The following ANO1 variants were observed in gnomAD, a reference collection of about 807,000 sequenced individuals.
ANO1 encodes the protein anoctamin 1.
ANO1 carries 59 observed loss-of-function variants against 124.0 expected under a neutral mutation model. The ratio of observed to expected loss-of-function variants is 0.48; its 90% CI spans 0.39 to 0.59. The LOEUF (loss-of-function observed/expected upper bound fraction) is 0.59, where lower values mean the gene tolerates loss of function less well. Among genes scored for constraint, ANO1 ranks in the 20% least tolerant of loss-of-function variants. ANO1 has a pLI of 0.00. For missense variants in ANO1, 1,059 were observed against 1,328.0 expected (o/e 0.80, Z 3.15); for synonymous variants, 529 against 532.0 (o/e 0.99, Z 0.08).
intron 1 of ANO1, among the ~76,000 whole-genome samples, chr11:69,988,855 A>G (rs1470319089): frequency 1.4e-4 from 22 of 152,168 alleles, no homozygotes; most frequent in Non-Finnish European, 2.9e-5. Context: ...CTTGGAAATC[A>G]ACCCACATGC....
chr11:70,173,887 C>T (rs1452372661), intron 22 of ANO1, among the ~76,000 whole-genome samples: 3 of 151,882 alleles, frequency 2.0e-5, no homozygotes, highest in African/African-American at 7.3e-5. Context: ...TGCGTCTCTA[C>T]TAAAAATACA....
chr11:70,178,020 C>G (rs1177349029), intron 22 of ANO1, among the ~76,000 whole-genome samples: 1 of 152,268 alleles, frequency 6.6e-6, no homozygotes, highest in Non-Finnish European at 1.5e-5. Flanking sequence ...GCTTTGCAGC[C>G]TCTGCTCCGG....
upstream of ANO1, among the ~76,000 whole-genome samples, chr11:70,077,410 CTT>C (rs1427610260): frequency 6.6e-6 from 1 of 152,190 alleles, no homozygotes; most frequent in East Asian, 1.9e-4. Context: ...CAGAGGGACA[CTT>C]TATTTCCACT....
rs568100965 is a variant in ANO1, at chr11:70,161,524, C to G, written c.1781-98C>G. On this transcript the variant is annotated intron_variant, in intron 17 of 25. Coordinates refer to ENST00000355303, the MANE Select transcript of ANO1 (RefSeq NM_018043.7). Reference sequence around the variant, plus strand: ...CAGGCCATGGTGCGCCTATGAGAGCCGACTGAGTGACTGTGCCAGTGGCCA... The same window carrying G: ...CAGGCCATGGTGCGCCTATGAGAGCGGACTGAGTGACTGTGCCAGTGGCCA... 2.2e-5 allele frequency: 32 copies of G among 1,433,246 alleles called. No homozygotes were observed. The East Asian group carries it at 4.6e-4, about 20-fold the overall frequency. 88.8% of individuals were successfully genotyped at this position (1,433,246 alleles called of 1,614,324 possible). A position where few individuals can be genotyped will look rare whatever the true frequency, so the allele number is the denominator to read the frequency against.
At chr11:70,135,172 G>A (rs2046909886) in intron 11 of ANO1, among the ~76,000 whole-genome samples, 1 of 152,052 alleles carries the variant, frequency 6.6e-6, no homozygotes. Flanking sequence ...CCTGGCCCTG[G>A]GGACCCTGAT....
At chr11:70,073,417 G>T (rs781868126), upstream of ANO1, among the ~76,000 whole-genome samples, 52 of 152,290 alleles carry the variant, frequency 3.4e-4, no homozygotes, top group Non-Finnish European at 5.7e-4. Context: ...CACCCTAACC[G>T]CGCGACTTAA....
chr11:70,084,269 C>T (rs1188044006), intron 1 of ANO1, among the ~76,000 whole-genome samples: 5 of 152,152 alleles, frequency 3.3e-5, no homozygotes, highest in Non-Finnish European at 5.9e-5. Context: ...GGCTCTTTTG[C>T]CCCCTCAGCC....
At chr11:70,116,173 C>G (rs995057644) in intron 7 of ANO1, among the ~76,000 whole-genome samples, 2 of 152,136 alleles carry the variant, frequency 1.3e-5, no homozygotes, top group Admixed American at 1.3e-4. Context: ...AGGACCCGAC[C>G]GTGGATCCTC....
intron 1 of ANO1, chr11:70,085,587 G>T (rs1565182841): frequency 1.3e-6 from 2 of 1,535,892 alleles, no homozygotes; most frequent in Non-Finnish European, 1.7e-6. Context: ...GGCCAGAGAG[G>T]CCAAGGTGCC....
chr11:69,976,726 G>A, the ANO1 span, among the ~76,000 whole-genome samples: 1 of 152,082 alleles, frequency 6.6e-6, no homozygotes, highest in Admixed American at 6.5e-5. Flanking sequence ...CAATGTCTAT[G>A]GTTTCAGCCA....
intron 1 of ANO1, among the ~76,000 whole-genome samples, chr11:70,024,639 G>A (rs1177130959): frequency 6.6e-6 from 1 of 152,170 alleles, no homozygotes; most frequent in Non-Finnish European, 1.5e-5. Flanking sequence ...CACAGATGGG[G>A]AAACTCGGGC....
intron 22 of ANO1, among the ~76,000 whole-genome samples, chr11:70,171,525 G>A (rs943254661): frequency 1.3e-5 from 2 of 152,220 alleles, no homozygotes; most frequent in African/African-American, 4.8e-5. Flanking sequence ...AGACAGGGAA[G>A]AACAGTCCCA....
At chr11:70,175,641 T>A (rs1290683967) in intron 22 of ANO1, among the ~76,000 whole-genome samples, 1 of 152,330 alleles carries the variant, frequency 6.6e-6, no homozygotes, top group East Asian at 1.9e-4. Context: ...GGTGGGAAAG[T>A]GCAGCCTCCA....
chr11:69,985,695 CG>C (rs1856025561), upstream of ANO1, among the ~76,000 whole-genome samples: 1 of 152,156 alleles, frequency 6.6e-6, no homozygotes, highest in South Asian at 2.1e-4. Context: ...GGTCTGGGAG[CG>C]GTGGAGACGC....
chr11:69,996,360 T>C (rs1384899558), intron 1 of ANO1, among the ~76,000 whole-genome samples: 2 of 152,206 alleles, frequency 1.3e-5, no homozygotes, highest in Non-Finnish European at 2.9e-5. Flanking sequence ...AATGCTCCCT[T>C]GGCCAAATCT....
At chr11:69,987,667 G>T (rs77995358) in intron 1 of ANO1, among the ~76,000 whole-genome samples, 8,933 of 148,044 alleles carry the variant, frequency 0.06, 457 homozygotes, top group African/African-American at 0.14. Context: ...GAGTCCAGTT[G>T]CTGTGAGGCC....
At chr11:70,139,127 G>A (rs1484681563) in intron 11 of ANO1, among the ~76,000 whole-genome samples, 4 of 152,126 alleles carry the variant, frequency 2.6e-5, no homozygotes, top group African/African-American at 7.2e-5. Flanking sequence ...TTATGACTGC[G>A]TAGTGTTCCC....
At chr11:70,187,265 T>G (rs2049170613) in intron 25 of ANO1, among the ~76,000 whole-genome samples, 1 of 152,174 alleles carries the variant, frequency 6.6e-6, no homozygotes, top group East Asian at 1.9e-4. Flanking sequence ...GAAGATTCCG[T>G]TTTTCCATAA....
intron 2 of ANO1, among the ~76,000 whole-genome samples, chr11:70,094,163 C>G (rs954278443): frequency 1.3e-5 from 2 of 152,198 alleles, no homozygotes; most frequent in African/African-American, 4.8e-5. Flanking sequence ...CAGGGCCTGA[C>G]CCTGCTCCTG....
Sources: gnomAD v4.1 joint callset for allele counts (sites outside exome capture counted in the v4.1 genomes callset) on GRCh38, gnomAD v4.1.1 for gene constraint, MANE v1.5 for transcripts, NCBI Gene and HGNC (gene_info 2026-07-23, HGNC 2026-07-21) for gene names.